Variants in CDKAL1 observed in about 807,000 individuals in gnomAD.
CDKAL1 encodes threonylcarbamoyladenosine tRNA methylthiotransferase.
A neutral mutation model predicts 68.2 loss-of-function variants in CDKAL1; 32 were observed. That is an observed-to-expected ratio of 0.47 (90% CI 0.35 to 0.63). The LOEUF (loss-of-function observed/expected upper bound fraction) is 0.63, where lower values mean the gene tolerates loss of function less well. CDKAL1 is among the 30% of genes least tolerant of loss of function. CDKAL1 has a pLI of 0.00. For synonymous variants in CDKAL1, 234 were observed against 244.3 expected (o/e 0.96, Z 0.39); for missense variants, 606 against 696.7 (o/e 0.87, Z 1.47).
intron 13 of CDKAL1, among the ~76,000 whole-genome samples, chr6:21,157,732 C>T: frequency 6.6e-6 from 1 of 152,300 alleles, no homozygotes; most frequent in South Asian, 2.1e-4. Context: ...ACAAAACAGT[C>T]TTTGAGAAAT....
At chr6:20,729,127 C>T (rs1372499131) in intron 5 of CDKAL1, among the ~76,000 whole-genome samples, 1 of 152,166 alleles carries the variant, frequency 6.6e-6, no homozygotes, top group East Asian at 1.9e-4. Context: ...TTCAAACAGG[C>T]AACCTTCCTA....
At chr6:20,683,474 T>C (rs779384317) in intron 5 of CDKAL1, among the ~76,000 whole-genome samples, 9 of 152,248 alleles carry the variant, frequency 5.9e-5, no homozygotes, top group Non-Finnish European at 8.8e-5. Context: ...AAATTACTTA[T>C]TGATAGTGTC....
In CDKAL1 at chr6:20,545,340, A is replaced by T. The variant is rs187295301; in HGVS notation, c.-5-1006A>T. 3.7e-3 allele frequency among the ~76,000 whole-genome samples: 558 copies of T among 152,258 alleles called. 2 individuals carry two copies. The highest frequency in any genetic ancestry group is 0.013 in the African/African-American group (520 of 41,534). On this transcript the variant is annotated intron_variant, in intron 2 of 15. Transcript: ENST00000274695. ...ACATTTTCTTCTTTTAATTATAAAA[A>T]TTTTGAATATTTAGAAAAGTCGTAT...
chr6:21,134,492 G>A (rs1562059457), intron 13 of CDKAL1, among the ~76,000 whole-genome samples: 1 of 152,070 alleles, frequency 6.6e-6, no homozygotes, highest in Admixed American at 6.6e-5. Context: ...ACATCTTCTT[G>A]TATGTGCCCC....
intron 8 of CDKAL1, among the ~76,000 whole-genome samples, chr6:20,786,994 T>C (rs1030625922): frequency 6.6e-6 from 1 of 152,238 alleles, no homozygotes; most frequent in Admixed American, 6.5e-5. Context: ...AGTTAGATGC[T>C]GCTTAACAGT....
At chr6:20,980,307 G>A (rs1057435335) in intron 10 of CDKAL1, among the ~76,000 whole-genome samples, 6 of 151,650 alleles carry the variant, frequency 4.0e-5, no homozygotes, top group East Asian at 3.9e-4. Context: ...GCGCGATCTC[G>A]GCTCACTGCA....
In CDKAL1 at chr6:20,534,470, G is replaced by T. The variant is rs931050241; in HGVS notation, c.-154G>T. The T allele has an allele frequency of 1.3e-5, 2 of 152,740 alleles. No homozygotes were observed. Among genetic ancestry groups the T allele is most frequent in the African/African-American group, 4.8e-5 (2 of 41,414 alleles). 9.5% of individuals were successfully genotyped at this position (152,740 alleles called of 1,614,324 possible). A position where few individuals can be genotyped will look rare whatever the true frequency, so the allele number is the denominator to read the frequency against. On this transcript the variant is annotated 5_prime_UTR_variant, in exon 1 of 16. Coordinates refer to ENST00000274695, the MANE Select transcript of CDKAL1 (RefSeq NM_017774.3). ...CTGAGCATGCGCAAATAAACGTGGCGGGACGTATGTGTCATGGCGCTCTCC... is the reference window on the plus strand; with the variant it reads ...CTGAGCATGCGCAAATAAACGTGGCTGGACGTATGTGTCATGGCGCTCTCC...
chr6:20,908,120 C>G (rs1214909661), intron 9 of CDKAL1, among the ~76,000 whole-genome samples: 1 of 152,148 alleles, frequency 6.6e-6, no homozygotes, highest in Admixed American at 6.5e-5. Flanking sequence ...TCCAGCATAA[C>G]CATGGGCACA....
chr6:20,907,370 C>T (rs1013762426), intron 9 of CDKAL1, among the ~76,000 whole-genome samples: 10 of 151,844 alleles, frequency 6.6e-5, no homozygotes, highest in Admixed American at 1.3e-4. Context: ...TGCAGTGAGC[C>T]GAGATTGTGC....
chr6:21,077,607 C>A (rs978654382), intron 12 of CDKAL1, among the ~76,000 whole-genome samples: 7 of 152,158 alleles, frequency 4.6e-5, no homozygotes, highest in African/African-American at 1.4e-4. Flanking sequence ...ACATGGCCAG[C>A]AGGAAAGGGG....
At chr6:20,683,190 G>A (rs1334349881) in intron 5 of CDKAL1, among the ~76,000 whole-genome samples, 1 of 152,138 alleles carries the variant, frequency 6.6e-6, no homozygotes, top group Non-Finnish European at 1.5e-5. Context: ...TCCCACTGGA[G>A]CTTAGGAAAC....
intron 4 of CDKAL1, among the ~76,000 whole-genome samples, chr6:20,586,790 G>A (rs62400066): frequency 0.053 from 8,050 of 152,182 alleles, 229 homozygotes; most frequent in Middle Eastern, 0.078. Flanking sequence ...ATCCACATGA[G>A]TGGAAGCCAA....
At chr6:20,713,088 G>C (rs2127832787) in intron 5 of CDKAL1, among the ~76,000 whole-genome samples, 1 of 152,282 alleles carries the variant, frequency 6.6e-6, no homozygotes, top group South Asian at 2.1e-4. Flanking sequence ...AATGAGAAGT[G>C]TTTATTAGAA....
At chr6:20,691,231 C>T (rs1046715978) in intron 5 of CDKAL1, among the ~76,000 whole-genome samples, 1 of 152,078 alleles carries the variant, frequency 6.6e-6, no homozygotes, top group African/African-American at 2.4e-5. Flanking sequence ...TGGACTAGTT[C>T]CTGCAGAAAA....
At chr6:20,597,238 C>T (rs1765870435) in intron 4 of CDKAL1, among the ~76,000 whole-genome samples, 1 of 152,082 alleles carries the variant, frequency 6.6e-6, no homozygotes, top group African/African-American at 2.4e-5. Flanking sequence ...ATGCCATTCT[C>T]CTGCCTCAGC....
intron 11 of CDKAL1, among the ~76,000 whole-genome samples, chr6:21,022,671 C>A (rs191682369): frequency 1.3e-5 from 2 of 152,194 alleles, no homozygotes; most frequent in African/African-American, 2.4e-5. Context: ...GCAGACTCCA[C>A]GGCCTGGCTG....
chr6:21,115,986 C>T (rs1028707068), intron 13 of CDKAL1, among the ~76,000 whole-genome samples: 8 of 152,210 alleles, frequency 5.3e-5, no homozygotes, highest in African/African-American at 1.9e-4. Flanking sequence ...GCATCCTCAT[C>T]AATGCCAACC....
intron 13 of CDKAL1, among the ~76,000 whole-genome samples, chr6:21,150,024 A>AT (rs1297511190): frequency 6.6e-6 from 1 of 151,814 alleles, no homozygotes; most frequent in African/African-American, 2.4e-5. Context: ...CACCCGGCTA[A>AT]TTTTTTGTAT....
At chr6:21,129,451 T>C (rs1775177298) in intron 13 of CDKAL1, among the ~76,000 whole-genome samples, 1 of 151,902 alleles carries the variant, frequency 6.6e-6, no homozygotes, top group Non-Finnish European at 1.5e-5. Flanking sequence ...TCCAACCTAC[T>C]GTGAGTAGAA....
Sources: allele counts gnomAD v4.1 joint callset (sites outside exome capture counted in the v4.1 genomes callset), GRCh38; gene constraint gnomAD v4.1.1; transcripts MANE v1.5; gene names NCBI Gene and HGNC (gene_info 2026-07-23, HGNC 2026-07-21).